The following COL24A1 variants were observed in gnomAD, a reference collection of about 807,000 sequenced individuals.
COL24A1 encodes collagen type XXIV alpha 1 chain.
Under a neutral mutation model 253.9 loss-of-function variants are expected in COL24A1, and 224 were observed. The ratio of observed to expected loss-of-function variants is 0.88; its 90% CI spans 0.79 to 0.99. The LOEUF (loss-of-function observed/expected upper bound fraction) is 0.99, where lower values mean the gene tolerates loss of function less well. COL24A1 is among the 50% of genes least tolerant of loss of function. COL24A1 has a pLI of 0.00. For missense variants in COL24A1, 2,131 were observed against 2,068.5 expected, an observed-to-expected ratio of 1.03 and a Z score of -0.59; for synonymous variants, 685 against 673.7, an observed-to-expected ratio of 1.02 and a Z score of -0.26.
chr1:85,968,090 A>C (rs1331528040), intron 22 of COL24A1, among the ~76,000 whole-genome samples: 13 of 152,170 alleles, frequency 8.5e-5, no homozygotes, highest in Admixed American at 7.9e-4. Context: ...TCTCTGCCTT[A>C]GATCATTGGA....
chr1:85,861,176 G>A (rs1679106912), intron 37 of COL24A1, among the ~76,000 whole-genome samples: 2 of 152,074 alleles, frequency 1.3e-5, no homozygotes, highest in Admixed American at 6.6e-5. Flanking sequence ...ATCCTAGTAG[G>A]TATGAAGTGG....
At chr1:85,922,350 C>T (rs1223278466) in intron 24 of COL24A1, among the ~76,000 whole-genome samples, 2 of 152,068 alleles carry the variant, frequency 1.3e-5, no homozygotes, top group Non-Finnish European at 2.9e-5. Context: ...AAGAGCAACT[C>T]CAAGACACAC....
chr1:85,786,192 T>C (rs1428553538), intron 48 of COL24A1, among the ~76,000 whole-genome samples, 162 bp downstream of exon 48: 1 of 152,196 alleles, frequency 6.6e-6, no homozygotes, highest in Non-Finnish European at 1.5e-5. Flanking sequence ...GGGAGATGGA[T>C]ATGTCAAAAC....
intron 24 of COL24A1, among the ~76,000 whole-genome samples, chr1:85,938,391 T>G (rs1160604461): frequency 6.8e-6 from 1 of 146,598 alleles, no homozygotes; most frequent in African/African-American, 2.5e-5. Flanking sequence ...GGCAATCTCT[T>G]GAGCCCTTCA....
intron 24 of COL24A1, among the ~76,000 whole-genome samples, chr1:85,915,137 T>A (rs1404731344): frequency 6.6e-6 from 1 of 152,176 alleles, no homozygotes; most frequent in Admixed American, 6.5e-5. Flanking sequence ...GTGGGCACTG[T>A]CCAATCTGTT....
chr1:85,743,827 T>G (rs541405486), intron 57 of COL24A1, among the ~76,000 whole-genome samples: 4 of 152,158 alleles, frequency 2.6e-5, no homozygotes, highest in African/African-American at 9.6e-5. Context: ...TTGATTAATG[T>G]AAACAAAATG....
At chr1:85,942,456 C>T (rs181100259) in intron 24 of COL24A1, among the ~76,000 whole-genome samples, 63 of 152,214 alleles carry the variant, frequency 4.1e-4, no homozygotes, top group Admixed American at 3.7e-3. Flanking sequence ...TTATACTGTG[C>T]CTTCCAAGTT....
intron 43 of COL24A1, among the ~76,000 whole-genome samples, chr1:85,836,586 A>T (rs1312342842): frequency 6.6e-6 from 1 of 152,196 alleles, no homozygotes; most frequent in Non-Finnish European, 1.5e-5. Context: ...GTGCTAGGAG[A>T]AAACTTGGTG....
chr1:86,026,183 C>T (rs1698008087), intron 14 of COL24A1, among the ~76,000 whole-genome samples: 1 of 152,098 alleles, frequency 6.6e-6, no homozygotes, highest in South Asian at 2.1e-4. Context: ...GTAACAATAC[C>T]TGCTTTATCT....
At chr1:85,869,535 C>T (rs1042238222) in intron 35 of COL24A1, among the ~76,000 whole-genome samples, 1 of 152,128 alleles carries the variant, frequency 6.6e-6, no homozygotes, top group Non-Finnish European at 1.5e-5. Flanking sequence ...AGAGTGGGGG[C>T]CAACATTCAA....
At chr1:85,787,824 T>C (rs549891284) in intron 47 of COL24A1, among the ~76,000 whole-genome samples, 1 of 152,316 alleles carries the variant, frequency 6.6e-6, no homozygotes, top group Admixed American at 6.5e-5. Flanking sequence ...TCCACAATGG[T>C]TGGACTAATT....
chr1:85,882,397 G>A (rs572135617), intron 32 of COL24A1, among the ~76,000 whole-genome samples: 4 of 152,224 alleles, frequency 2.6e-5, no homozygotes, highest in African/African-American at 4.8e-5. Context: ...CCCGGGAGGC[G>A]GAGCTTGCAG....
chr1:86,111,852 A>G (rs1705648710), intron 5 of COL24A1, among the ~76,000 whole-genome samples: 1 of 152,136 alleles, frequency 6.6e-6, no homozygotes, highest in South Asian at 2.1e-4. Flanking sequence ...GAGCTGTAAC[A>G]CTAACCATGA....
intron 24 of COL24A1, among the ~76,000 whole-genome samples, chr1:85,925,603 G>A (rs1450391840): frequency 6.6e-6 from 1 of 152,106 alleles, no homozygotes; most frequent in Non-Finnish European, 1.5e-5. Flanking sequence ...ATGGTGCTGG[G>A]AAAACTGGCT....
intron 6 of COL24A1, among the ~76,000 whole-genome samples, chr1:86,089,612 G>A (rs1165584309): frequency 6.6e-6 from 1 of 152,128 alleles, no homozygotes; most frequent in Non-Finnish European, 1.5e-5. Context: ...TTGAGGCCAG[G>A]AGTTCAAAAC....
chr1:86,033,519 G>A (rs1698754958), intron 13 of COL24A1, among the ~76,000 whole-genome samples: 1 of 152,072 alleles, frequency 6.6e-6, no homozygotes, highest in African/African-American at 2.4e-5. Flanking sequence ...TCAATGACAG[G>A]TTTGAGTCCA....
intron 19 of COL24A1, among the ~76,000 whole-genome samples, chr1:86,013,297 A>T (rs1212488229): frequency 6.6e-6 from 1 of 152,210 alleles, no homozygotes; most frequent in African/African-American, 2.4e-5. Flanking sequence ...CTTTCACTGA[A>T]TTATGCTTTC....
intron 5 of COL24A1, among the ~76,000 whole-genome samples, chr1:86,100,195 C>T (rs1212747032): frequency 6.6e-6 from 1 of 152,140 alleles, no homozygotes; most frequent in African/African-American, 2.4e-5. Flanking sequence ...GACACTTAAC[C>T]TCATTCAGCT....
At chr1:86,061,032 G>A (rs1210147306) in intron 8 of COL24A1, among the ~76,000 whole-genome samples, 1 of 151,854 alleles carries the variant, frequency 6.6e-6, no homozygotes, top group African/African-American at 2.4e-5. Context: ...ATTCCCATAT[G>A]AGAGATGAGA....
Sources: allele counts gnomAD v4.1 joint callset (sites outside exome capture counted in the v4.1 genomes callset), GRCh38; gene constraint gnomAD v4.1.1; transcripts MANE v1.5; gene names NCBI Gene and HGNC (gene_info 2026-07-23, HGNC 2026-07-21).